Variants in RIMOC1 observed in about 807,000 individuals in gnomAD.
RIMOC1 encodes the protein RAB7A-interacting MON1-CCZ1 complex subunit 1.
At chr5:41,911,293 GTCTTT>G in the RIMOC1 span, 1 of 955,014 alleles carries the variant, frequency 1.0e-6, no homozygotes, top group Non-Finnish European at 1.5e-6. Context: ...TGTATTCTGT[GTCTTT>G]TATTTACTAG....
the RIMOC1 span, chr5:41,919,023 A>G: frequency 6.8e-6 from 1 of 147,460 alleles, no homozygotes; most frequent in South Asian, 2.2e-4. Flanking sequence ...TTTTTACTTT[A>G]CATATTTTAT....
the RIMOC1 span, among the ~76,000 whole-genome samples, chr5:41,909,312 C>T: frequency 2.0e-5 from 3 of 152,062 alleles, no homozygotes; most frequent in African/African-American, 7.2e-5. Context: ...ACATACGCCC[C>T]TCACGCTGGC....
chr5:41,904,524 C>A, the RIMOC1 span: 1 of 1,516,240 alleles, frequency 6.6e-7, no homozygotes, highest in South Asian at 1.2e-5. Flanking sequence ...GGTACTGGCG[C>A]TCGATGGCTG....
chr5:41,905,809 G>A, the RIMOC1 span, among the ~76,000 whole-genome samples: 2 of 152,206 alleles, frequency 1.3e-5, no homozygotes, highest in African/African-American at 4.8e-5. Flanking sequence ...AATCTGGAAT[G>A]AATCAGAGCT....
chr5:41,919,119 T>C, the RIMOC1 span: 1 of 152,174 alleles, frequency 6.6e-6, no homozygotes, highest in Non-Finnish European at 1.5e-5. Flanking sequence ...CTGACTTATC[T>C]CTTGCTTTCT....
At chr5:41,909,017 C>A in the RIMOC1 span, among the ~76,000 whole-genome samples, 18 of 152,228 alleles carry the variant, frequency 1.2e-4, no homozygotes, top group African/African-American at 3.6e-4. Flanking sequence ...TTTACTCCAA[C>A]AAGGAACTTT....
chr5:41,914,083 A>C, the RIMOC1 span, among the ~76,000 whole-genome samples: 1 of 152,204 alleles, frequency 6.6e-6, no homozygotes, highest in Non-Finnish European at 1.5e-5. Context: ...GGAGTGGCAC[A>C]AATCACCTGT....
At chr5:41,917,443 C>G in the RIMOC1 span, 1 of 1,366,902 alleles carries the variant, frequency 7.3e-7, no homozygotes, top group Non-Finnish European at 9.4e-7. Flanking sequence ...CCTACTAAAA[C>G]AACATCACCA....
chr5:41,905,084 A>G, the RIMOC1 span, among the ~76,000 whole-genome samples: 1 of 152,220 alleles, frequency 6.6e-6, no homozygotes. Context: ...TCTGAATTTA[A>G]GTCCAATTCT....
the RIMOC1 span, chr5:41,919,047 T>A: frequency 1.3e-5 from 2 of 152,082 alleles, no homozygotes; most frequent in East Asian, 3.8e-4. Flanking sequence ...ATGTCATTCA[T>A]AACTATGGCT....
At chr5:41,906,105 G>A in the RIMOC1 span, among the ~76,000 whole-genome samples, 1 of 152,146 alleles carries the variant, frequency 6.6e-6, no homozygotes, top group African/African-American at 2.4e-5. Context: ...TAGGATATAA[G>A]GGTTTGATGA....
At chr5:41,909,727 T>C in the RIMOC1 span, 1 of 1,478,286 alleles carries the variant, frequency 6.8e-7, no homozygotes, top group Non-Finnish European at 9.1e-7. Context: ...TAGATATCTT[T>C]CTTTTTTTTT....
chr5:41,909,115 A>G, the RIMOC1 span, among the ~76,000 whole-genome samples: 1 of 152,178 alleles, frequency 6.6e-6, no homozygotes, highest in African/African-American at 2.4e-5. Context: ...TGGTTAGTTA[A>G]GTGATTAGTG....
At chr5:41,917,207 G>C in the RIMOC1 span, 1 of 1,613,728 alleles carries the variant, frequency 6.2e-7, no homozygotes, top group Non-Finnish European at 8.5e-7. Context: ...GAAAAAGTAT[G>C]TATCTGTGTG....
chr5:41,913,073 CA>C, the RIMOC1 span, among the ~76,000 whole-genome samples: 1 of 152,116 alleles, frequency 6.6e-6, no homozygotes, highest in Non-Finnish European at 1.5e-5. Flanking sequence ...CTGTTTAGGA[CA>C]TTGCTTTTAT....
chr5:41,917,482 T>C, the RIMOC1 span: 1 of 1,291,612 alleles, frequency 7.7e-7, no homozygotes, highest in Non-Finnish European at 9.8e-7. Context: ...AGTAAACCTA[T>C]GAAGGGATGA....
At chr5:41,919,628 C>T in the RIMOC1 span, 2 of 152,210 alleles carry the variant, frequency 1.3e-5, no homozygotes, top group African/African-American at 4.8e-5. Context: ...CAAGTACTTC[C>T]ACTTCTTCCC....
At chr5:41,917,228 C>T in the RIMOC1 span, 1 of 1,613,574 alleles carries the variant, frequency 6.2e-7, no homozygotes, top group Non-Finnish European at 8.5e-7. Flanking sequence ...TGAAGGACCC[C>T]TGAAAGAACA....
the RIMOC1 span, chr5:41,912,310 A>T: frequency 1.6e-6 from 1 of 607,168 alleles, no homozygotes; most frequent in African/African-American, 1.9e-5. Context: ...GTAATAAGTA[A>T]TAAAGGGTTT....
Sources: allele counts gnomAD v4.1 joint callset (sites outside exome capture counted in the v4.1 genomes callset), GRCh38; gene constraint gnomAD v4.1.1; transcripts MANE v1.5; gene names NCBI Gene and HGNC (gene_info 2026-07-23, HGNC 2026-07-21).